The following ANK2 variants were observed in gnomAD, a reference collection of about 807,000 sequenced individuals.
The protein encoded by ANK2 is ankyrin-2.
Under a neutral mutation model 360.5 loss-of-function variants are expected in ANK2, and 83 were observed. The observed-to-expected ratio is 0.23, with a 90% confidence interval of 0.19 to 0.28. ANK2 has a LOEUF of 0.28. Ranked by LOEUF, ANK2 falls within the 10% of genes least tolerant of loss-of-function variation. The pLI is 1.00. For missense variants in ANK2, 4,201 were observed against 4,795.7 expected, an observed-to-expected ratio of 0.88 and a Z score of 3.66; for synonymous variants, 1,740 against 1,759.5, an observed-to-expected ratio of 0.99 and a Z score of 0.28.
the ANK2 span, among the ~76,000 whole-genome samples, chr4:112,782,246 G>C: frequency 6.6e-6 from 1 of 152,142 alleles, no homozygotes; most frequent in Non-Finnish European, 1.5e-5. Context: ...GATGGGAATA[G>C]AAGTGAAACG....
At chr4:112,779,839 G>A in the ANK2 span, among the ~76,000 whole-genome samples, 2 of 152,170 alleles carry the variant, frequency 1.3e-5, no homozygotes, top group Non-Finnish European at 2.9e-5. Context: ...AGAAACAAGG[G>A]GTTTCTTGCA....
chr4:112,909,067 C>T (rs571656080), intron 2 of ANK2, among the ~76,000 whole-genome samples: 2 of 152,214 alleles, frequency 1.3e-5, no homozygotes, highest in South Asian at 2.1e-4. Context: ...AAGAAAATAG[C>T]GAAGACTAAA....
At chr4:113,095,425 C>T (rs1200959059) in intron 1 of ANK2, among the ~76,000 whole-genome samples, 1 of 152,030 alleles carries the variant, frequency 6.6e-6, no homozygotes, top group East Asian at 1.9e-4. Context: ...ACATAAAATG[C>T]GTTTTTGATT....
chr4:113,318,106 A>G (rs576662710), intron 25 of ANK2, among the ~76,000 whole-genome samples: 1 of 152,218 alleles, frequency 6.6e-6, no homozygotes, highest in Non-Finnish European at 1.5e-5. Context: ...CATTAAAGGA[A>G]AAAGTGAAGT....
the ANK2 span, among the ~76,000 whole-genome samples, chr4:112,759,241 T>A: frequency 1.4e-4 from 21 of 152,072 alleles, no homozygotes; most frequent in Admixed American, 1.4e-3. Flanking sequence ...GCTCAAGTGA[T>A]TCTTCTGCCT....
chr4:113,129,997 G>A (rs1443002064), intron 1 of ANK2, among the ~76,000 whole-genome samples: 1 of 152,162 alleles, frequency 6.6e-6, no homozygotes, highest in South Asian at 2.1e-4. Context: ...TTAGATAACT[G>A]TCTCTTCTTC....
At chr4:112,724,305 T>G in the ANK2 span, among the ~76,000 whole-genome samples, 2 of 152,130 alleles carry the variant, frequency 1.3e-5, no homozygotes, top group African/African-American at 4.8e-5. Flanking sequence ...CCTCAGGTGA[T>G]CCGCCGCCCT....
At chr4:113,123,319 C>G (rs555631196) in intron 1 of ANK2, among the ~76,000 whole-genome samples, 11 of 152,056 alleles carry the variant, frequency 7.2e-5, no homozygotes, top group Middle Eastern at 3.4e-3. Flanking sequence ...TTGACATCAT[C>G]ATGAATACAG....
intron 2 of ANK2, among the ~76,000 whole-genome samples, chr4:113,015,108 TC>T (rs1251378162): frequency 3.3e-5 from 5 of 152,268 alleles, no homozygotes; most frequent in Admixed American, 3.3e-4. Flanking sequence ...TCCGCCCGCC[TC>T]TGCCTCCCAA....
At chr4:112,743,489 C>T in the ANK2 span, among the ~76,000 whole-genome samples, 1 of 149,008 alleles carries the variant, frequency 6.7e-6, no homozygotes, top group Non-Finnish European at 1.5e-5. Flanking sequence ...CTCTCTTTCT[C>T]TCTCCTTCAT....
At chr4:113,296,824 C>T (rs1489505389) in intron 22 of ANK2, among the ~76,000 whole-genome samples, 1 of 152,140 alleles carries the variant, frequency 6.6e-6, no homozygotes, top group Non-Finnish European at 1.5e-5. Context: ...AGAACTGTGA[C>T]ATATGACTCA....
At position 113,311,338 on chromosome 4, in the gene ANK2, A is replaced by G; in HGVS notation, c.2632A>G (p.Ser878Gly). ...KELGDDSLPSSQFLDGMNYLR... is the reference protein window; with the variant it reads ...KELGDDSLPSGQFLDGMNYLR... Reference sequence around the variant, plus strand: ...ACTGGGTGATGACTCACTACCCAGCAGTCAGTTCCTGGATGGTATGAATTA... The same window carrying G: ...ACTGGGTGATGACTCACTACCCAGCGGTCAGTTCCTGGATGGTATGAATTA... The change falls in exon 24 of 46, where the codon AGT becomes GGT. Residue 878 changes from serine (S) to glycine (G), a missense_variant. Ser to Gly is a moderately conservative substitution (Grantham distance 56, BLOSUM62 0). This residue lies in a region of ANK2 where 1,268 missense variants were observed against 1,650.8 expected (regional missense o/e 0.77). Transcript: ENST00000357077. The G allele has an allele frequency of 1.2e-6, 2 of 1,614,136 alleles. No homozygotes were observed. The highest frequency in any genetic ancestry group is 1.1e-5 in the South Asian group (1 of 91,084).
At chr4:113,045,205 T>C (rs1481964845), upstream of ANK2, among the ~76,000 whole-genome samples, 1 of 152,176 alleles carries the variant, frequency 6.6e-6, no homozygotes, top group Non-Finnish European at 1.5e-5. Flanking sequence ...TTTAATAAAA[T>C]AGAATAGGCA....
At chr4:112,812,479 C>G in the ANK2 span, among the ~76,000 whole-genome samples, 1 of 152,158 alleles carries the variant, frequency 6.6e-6, no homozygotes, top group Non-Finnish European at 1.5e-5. Flanking sequence ...GGAAAAGCAA[C>G]ATAAGAGGCA....
At chr4:112,826,350 A>G in intron 1 of ANK2, 1 of 943,630 alleles carries the variant, frequency 1.1e-6, no homozygotes, top group Admixed American at 2.1e-5. Context: ...TGTACCAAAC[A>G]CAGTGACAAT....
At chr4:113,330,168 C>T (rs567433908) in intron 26 of ANK2, 78 bp from the exon 27 acceptor site, 86 of 1,393,180 alleles carry the variant, frequency 6.2e-5, no homozygotes, top group African/African-American at 2.2e-4. Flanking sequence ...CAAAGCATTA[C>T]GAAAAACAAC....
intron 2 of ANK2, among the ~76,000 whole-genome samples, chr4:113,184,712 T>A (rs930742482): frequency 6.6e-5 from 10 of 152,070 alleles, no homozygotes; most frequent in African/African-American, 2.4e-4. Flanking sequence ...ATTCTTTTAT[T>A]ATTATTATTA....
chr4:112,907,504 C>A (rs1359333923), intron 2 of ANK2, among the ~76,000 whole-genome samples: 1 of 152,158 alleles, frequency 6.6e-6, no homozygotes, highest in Non-Finnish European at 1.5e-5. Flanking sequence ...TCCCCTCCTC[C>A]TCATCCTACT....
chr4:112,733,439 A>G, the ANK2 span, among the ~76,000 whole-genome samples: 2 of 152,156 alleles, frequency 1.3e-5, no homozygotes, highest in African/African-American at 4.8e-5. Flanking sequence ...TAGCTCTACT[A>G]GTGACAAAGC....
Sources: gnomAD v4.1 joint callset for allele counts (sites outside exome capture counted in the v4.1 genomes callset) on GRCh38, gnomAD v4.1.1 for gene constraint, gnomAD v4.1.1 regional missense constraint, MANE v1.5 for transcripts, NCBI Gene and HGNC (gene_info 2026-07-23, HGNC 2026-07-21) for gene names.